SHC1: variants seen among roughly 807,000 people sequenced by gnomAD.
The protein encoded by SHC1 is SHC adaptor protein 1, also known as SHC-transforming protein 1.
In SHC1, 30 loss-of-function variants were observed where a neutral mutation model predicts 55.9. The observed-to-expected ratio is 0.54, with a 90% CI of 0.40 to 0.73. The LOEUF (loss-of-function observed/expected upper bound fraction) is 0.73, where lower values mean the gene tolerates loss of function less well. Among genes scored for constraint, SHC1 ranks in the 30% least tolerant of loss-of-function variants. The pLI, the probability that SHC1 is intolerant of heterozygous loss-of-function variation, is 0.00. For synonymous variants in SHC1, 309 were observed against 306.1 expected (o/e 1.01, Z -0.10); for missense variants, 675 against 777.1 (o/e 0.87, Z 1.56).
intron 6 of SHC1, 65 bp downstream of exon 6, chr1:154,967,915 G>A (rs1432598784): frequency 1.2e-6 from 2 of 1,605,906 alleles, no homozygotes. Flanking sequence ...GGGTACAGAT[G>A]ACCAAAGGTC....
In SHC1 at chr1:154,965,663, C is replaced by A. The variant is rs1212384283; in HGVS notation, c.1506G>T (p.Leu502=). The part of the protein sequence containing the change: ...GKLSRREAEA[L]LQLNGDFLVR... Reference sequence around the variant, plus strand: ...CCAGGAAGTCCCCATTGAGCTGCAGCAGTGCCTCAGCCTCCCGCCGGCTCA... The same window carrying A: ...CCAGGAAGTCCCCATTGAGCTGCAGAAGTGCCTCAGCCTCCCGCCGGCTCA... The change falls in exon 11 of 12, where the codon CTG becomes CTT. Residue 502 remains leucine (L), a synonymous_variant. Transcript: ENST00000448116. 6.8e-6 allele frequency: 11 copies of A among 1,614,016 alleles called. No homozygotes were observed. The African/African-American group carries it at 1.1e-4, about 16-fold the overall frequency.
At position 154,964,113 on chromosome 1, in the gene SHC1, T is replaced by A. The variant is rs760602928; in HGVS notation, c.1627-182A>T. On this transcript the variant is annotated intron_variant, in intron 11 of 11. Transcript: ENST00000448116. ...CTCTAGAAAGAGACAGTTGTAGGAA[T>A]AGACAGGTCAGTGAAGTGAGAAAAG... 1.7e-3 allele frequency: 1,287 copies of A among 768,214 alleles called. 11 individuals carry two copies. The highest frequency in any genetic ancestry group is 2.7e-4 in the Non-Finnish European group (113 of 417,500). The allele number at this position is 768,214 out of a possible 1,614,324, so 47.6% of individuals were successfully genotyped here. A position where few individuals can be genotyped will look rare whatever the true frequency, so the allele number is the denominator to read the frequency against.
Position 154,970,011 on chromosome 1 carries a change from G to T in SHC1, c.495+21C>A. Reference sequence around the variant, plus strand: ...ACTGGAGGGGGTCTGCGGGGGAATGGAGAGGAGGATGTTCACTCACCCGAA... The same window carrying T: ...ACTGGAGGGGGTCTGCGGGGGAATGTAGAGGAGGATGTTCACTCACCCGAA... On this transcript the variant is annotated intron_variant, in intron 1 of 11. Transcript: ENST00000448116. The surrounding 1 kb of genome is among the most constrained non-coding windows in gnomAD (Gnocchi z 5.5). 1 of 1,613,176 alleles carries T rather than the reference G, an allele frequency of 6.2e-7. No individual in the cohort carries two copies. The highest frequency in any genetic ancestry group is 1.1e-5 in the South Asian group (1 of 91,058).
chr1:154,973,166 A>C (rs1656906766), upstream of SHC1: 1 of 152,128 alleles, frequency 6.6e-6, no homozygotes, highest in Non-Finnish European at 1.5e-5. Context: ...CTCGTGCCAA[A>C]CCCCACGTTC....
In SHC1 at chr1:154,968,629, A is replaced by G. The variant is rs185590314; in HGVS notation, c.631-15T>C. 32 of 1,614,008 alleles carry G rather than the reference A, an allele frequency of 2.0e-5. No homozygotes were observed. The African/African-American group carries it at 3.5e-4, about 17-fold the overall frequency. On this transcript the variant is annotated splice_polypyrimidine_tract_variant and intron_variant, in intron 3 of 11. Transcript: ENST00000448116. Reference sequence around the variant, plus strand: ...CGGCTACAGGGCTAAGGTAGGGCCCAGGGTCTCAGAAGGTGAGGGTTCCCA... The same window carrying G: ...CGGCTACAGGGCTAAGGTAGGGCCCGGGGTCTCAGAAGGTGAGGGTTCCCA...
chr1:154,965,966 G>C lies in SHC1; in HGVS notation c.1367C>G (p.Pro456Arg), dbSNP rs1369799407. 1 of 1,613,316 alleles carries C rather than the reference G, an allele frequency of 6.2e-7. No homozygotes were observed. The highest frequency in any genetic ancestry group is 1.3e-5 in the African/African-American group (1 of 74,852). Residue 456 changes from proline to arginine, a missense_variant, in exon 10 of 12, where the codon CCC becomes CGC. Transcript: ENST00000448116. ...CTCACTCATGTCAAACAGGTCCCGG[G>C]GTGCACTGCCATTGATAGCAGGATT... ...PPNPAINGSAPRDLFDMKPFE... is the reference protein window; with the variant it reads ...PPNPAINGSARRDLFDMKPFE...
upstream of SHC1, chr1:154,970,890 G>A (rs2102169799): frequency 5.2e-6 from 1 of 193,006 alleles, no homozygotes; most frequent in South Asian, 1.2e-4. This position sits in a 1 kb window ranked among gnomAD's most constrained non-coding sequence, Gnocchi z 5.5. Context: ...ACCTCGAACT[G>A]GAGCAGGGGG....
chr1:154,973,826 TG>T (rs1656985736), upstream of SHC1, among the ~76,000 whole-genome samples: 1 of 152,080 alleles, frequency 6.6e-6, no homozygotes. Context: ...CAGTCAGACG[TG>T]GATTACGGAG....
upstream of SHC1, among the ~76,000 whole-genome samples, chr1:154,972,714 G>A (rs1247126086): frequency 3.9e-5 from 6 of 152,226 alleles, no homozygotes; most frequent in Non-Finnish European, 8.8e-5. Flanking sequence ...AGGTGATTGG[G>A]TGTAGGGGAA....
Position 154,968,246 on chromosome 1 carries a change from G to A in SHC1, c.762C>T (p.Asn254=), listed in dbSNP as rs1656266467. 1 of 1,614,160 alleles carries A rather than the reference G, an allele frequency of 6.2e-7. No individual in the cohort carries two copies. The highest frequency in any genetic ancestry group is 8.5e-7 in the Non-Finnish European group (1 of 1,180,008). ...CAAATGAGATAGATTGCATGTGGTGGTTGGCGATGATCTGAGAATTAGGGC... is the reference window on the plus strand; with the variant it reads ...CAAATGAGATAGATTGCATGTGGTGATTGGCGATGATCTGAGAATTAGGGC... The part of the protein sequence containing the change: ...MAADCKQIIA[N]HHMQSISFAS... Residue 254 remains asparagine, a synonymous_variant, in exon 5 of 12, where the codon AAC becomes AAT. Transcript: ENST00000448116.
intron 2 of SHC1, 137 bp downstream of exon 2, chr1:154,969,241 C>A: frequency 1.5e-6 from 1 of 673,030 alleles, no homozygotes; most frequent in South Asian, 1.7e-5. Context: ...GAATCACTAC[C>A]TCAGCTTTCT....
Position 154,970,542 on chromosome 1 carries a change from G to C in SHC1, c.-16C>G. ...GGAGATCCATAGTTGAGGTGAAAGA[G>C]GGGCTGCTGCCCAGCCTGGCCCCCC... On this transcript the variant is annotated 5_prime_UTR_variant, in exon 1 of 12. Transcript: ENST00000448116. This position sits in a 1 kb window ranked among gnomAD's most constrained non-coding sequence, Gnocchi z 5.5. 1 of 1,582,704 alleles carries C rather than the reference G, an allele frequency of 6.3e-7. No individual in the cohort carries two copies.
intron 8 of SHC1, 26 bp from the exon 9 acceptor site, chr1:154,966,257 C>T (rs373874827): frequency 1.1e-5 from 17 of 1,612,912 alleles, no homozygotes; most frequent in Admixed American, 1.7e-5. Flanking sequence ...TAAGGTGAGA[C>T]CAGAAGCCCT....
chr1:154,973,511 TAAAA>T (rs56300199), upstream of SHC1: 440 of 96,302 alleles, frequency 4.6e-3, 1 homozygote, highest in African/African-American at 0.016. Flanking sequence ...AACTCCGTCT[TAAAA>T]AAAAAAAAAA....
intron 11 of SHC1, among the ~76,000 whole-genome samples, chr1:154,964,933 G>A (rs760480192): frequency 2.0e-5 from 3 of 152,144 alleles, no homozygotes; most frequent in Admixed American, 6.5e-5. Flanking sequence ...ACCTCTTCAG[G>A]GTGGTTTCCT....
At chr1:154,968,289 G>C (rs773415371) in intron 4 of SHC1, 32 bp from the exon 5 acceptor site, 19 of 1,611,184 alleles carry the variant, frequency 1.2e-5, no homozygotes, top group Non-Finnish European at 1.6e-5. Context: ...GAAGAAGGAA[G>C]GGAATGCCAT....
rs1321676133 is a variant in SHC1 at position 154,962,338 on chromosome 1, T to C, written c.*1465A>G. ...CTTTAATGAAGAGTTTTCCCTTTGG[T>C]ATAAGTGAGACCCGTGGAAACATCC... On this transcript the variant is annotated 3_prime_UTR_variant, in exon 12 of 12. Transcript: ENST00000448116. 3 of 152,726 alleles carry C rather than the reference T, an allele frequency of 2.0e-5. No individual in the cohort carries two copies. The highest frequency in any genetic ancestry group is 4.4e-5 in the Non-Finnish European group (3 of 68,046). 9.5% of individuals were successfully genotyped at this position (152,726 alleles called of 1,614,324 possible). A position where few individuals can be genotyped will look rare whatever the true frequency, so the allele number is the denominator to read the frequency against.
Position 154,969,428 on chromosome 1 carries a change from G to A in SHC1, c.516C>T (p.Val172=). 2 of 1,612,088 alleles carry A rather than the reference G, an allele frequency of 1.2e-6. No homozygotes were observed. Among genetic ancestry groups the A allele is most frequent in the East Asian group, 2.2e-5 (1 of 44,846 alleles). ...YLVRYMGCVE[V]LQSMRALDFN... is the part of the protein sequence containing the mutation. ...AGTCCAGGGCACGCATTGACTGGAG[G>A]ACCTCCACACAACCCATGTACTAAG... The change falls in exon 2 of 12, where the codon GTC becomes GTT. Residue 172 remains valine (V), a synonymous_variant. Transcript: ENST00000448116.
chr1:154,969,988 T>A (rs1656537111), intron 1 of SHC1, 44 bp downstream of exon 1: 1 of 1,606,822 alleles, frequency 6.2e-7, no homozygotes, highest in African/African-American at 1.3e-5. Flanking sequence ...GCATTAGAAC[T>A]GGAGGGGGTC....
Sources: allele counts gnomAD v4.1 joint callset (sites outside exome capture counted in the v4.1 genomes callset), GRCh38; gene constraint gnomAD v4.1.1; non-coding constraint Gnocchi (gnomAD v3.1); transcripts MANE v1.5; gene names NCBI Gene and HGNC (gene_info 2026-07-23, HGNC 2026-07-21).